The following CRACDL variants were observed in gnomAD, a reference collection of about 807,000 sequenced individuals.
CRACDL encodes CRACD-like protein.
In CRACDL, 26 loss-of-function variants were observed where a neutral mutation model predicts 70.6. The observed-to-expected ratio is 0.37, with a 90% CI of 0.27 to 0.51. CRACDL has a LOEUF of 0.51. CRACDL is among the 20% of genes least tolerant of loss of function. The pLI, the probability that CRACDL is intolerant of heterozygous loss-of-function variation, is 0.94. For missense variants in CRACDL, 1,283 were observed against 1,376.9 expected, an observed-to-expected ratio of 0.93 and a Z score of 1.08; for synonymous variants, 618 against 615.2, an observed-to-expected ratio of 1.00 and a Z score of -0.07.
chr2:98,902,071 G>A (rs1276174610), intron 1 of CRACDL, among the ~76,000 whole-genome samples: 1 of 152,080 alleles, frequency 6.6e-6, no homozygotes, highest in East Asian at 1.9e-4. Flanking sequence ...AAGTTCCAAA[G>A]GTCTACAAAG....
intron 7 of CRACDL, among the ~76,000 whole-genome samples, chr2:98,807,918 C>T (rs1409600141): frequency 6.6e-6 from 1 of 152,268 alleles, no homozygotes; most frequent in South Asian, 2.1e-4. Context: ...AGAGTCTCAG[C>T]AAGATGCTAT....
intron 7 of CRACDL, among the ~76,000 whole-genome samples, chr2:98,803,878 T>C (rs1034586098): frequency 1.3e-5 from 2 of 152,138 alleles, no homozygotes; most frequent in Admixed American, 1.3e-4. Context: ...CTGGTGGAAA[T>C]GGGACCTGTC....
intron 9 of CRACDL, among the ~76,000 whole-genome samples, chr2:98,795,192 C>T (rs1466294673): frequency 6.7e-6 from 1 of 150,084 alleles, no homozygotes; most frequent in Admixed American, 6.6e-5. Context: ...TCTCCTGCCT[C>T]AGCCTCCCAA....
At position 98,866,475 on chromosome 2, in the gene CRACDL, CTTTTTTTTTTTTTTTT is replaced by C. The variant is rs1173322192; in HGVS notation, c.-10-19681_-10-19666del. Reference sequence around the variant, plus strand: ...CTGATAGATGAAACAATCACTTCTTCTTTTTTTTTTTTTTTTTTTTTTTTTTTTTGAGACAGAGTTT... The same window carrying C: ...CTGATAGATGAAACAATCACTTCTTCTTTTTTTTTTTTTGAGACAGAGTTT... On this transcript the variant is annotated intron_variant, in intron 1 of 9. Coordinates refer to ENST00000397899, the MANE Select transcript of CRACDL (RefSeq NM_207362.3). Among the ~76,000 whole-genome samples the C allele has an allele frequency of 2.1e-3, 91 of 43,270 alleles. 1 individual carries two copies. The East Asian group carries it at 0.049, about 23-fold the overall frequency. 28.4% of individuals were successfully genotyped at this position (43,270 alleles called of 152,430 possible).
chr2:98,898,745 T>C lies in CRACDL; in HGVS notation c.-11+37193A>G, dbSNP rs1217551887. Reference sequence around the variant, plus strand: ...GAAGGGAGGCCACGTGTCCCATCCCTATGTGCCTCAAGGATGAGTGCAACA... The same window carrying C: ...GAAGGGAGGCCACGTGTCCCATCCCCATGTGCCTCAAGGATGAGTGCAACA... On this transcript the variant is annotated intron_variant, in intron 1 of 9. Transcript: ENST00000397899. Among the ~76,000 whole-genome samples the C allele has an allele frequency of 2.0e-5, 3 of 152,208 alleles. No homozygotes were observed. In the East Asian group the frequency reaches 5.8e-4, roughly 29 times the overall value.
At chr2:98,919,751 A>G (rs530019227) in intron 1 of CRACDL, among the ~76,000 whole-genome samples, 1 of 152,290 alleles carries the variant, frequency 6.6e-6, no homozygotes, top group African/African-American at 2.4e-5. Flanking sequence ...TTAAATTATT[A>G]TGAATTTACA....
At position 98,899,746 on chromosome 2, in the gene CRACDL, C is replaced by T. The variant is rs114985277; in HGVS notation, c.-11+36192G>A. Among the ~76,000 whole-genome samples the T allele has an allele frequency of 5.5e-3, 835 of 152,314 alleles. 3 individuals carry two copies. Among genetic ancestry groups the T allele is most frequent in the South Asian group, 9.9e-3 (48 of 4,830 alleles). ...CTGTTAAGAAGTATGTCTGAGAAGT[C>T]TTAGCTCAGTGGGGAAGCAGGTGGA... On this transcript the variant is annotated intron_variant, in intron 1 of 9. Transcript: ENST00000397899.
intron 1 of CRACDL, among the ~76,000 whole-genome samples, chr2:98,921,568 G>A (rs570250943): frequency 1.3e-5 from 2 of 152,312 alleles, no homozygotes; most frequent in East Asian, 3.9e-4. Flanking sequence ...CTGGGCCTAG[G>A]ACCAACCCCA....
At chr2:98,907,883 C>T (rs1325757218) in intron 1 of CRACDL, among the ~76,000 whole-genome samples, 1 of 152,208 alleles carries the variant, frequency 6.6e-6, no homozygotes, top group African/African-American at 2.4e-5. Flanking sequence ...AGGTGAACTA[C>T]ATACACTAAG....
At chr2:98,923,644 A>G (rs1708853106) in intron 1 of CRACDL, among the ~76,000 whole-genome samples, 1 of 152,240 alleles carries the variant, frequency 6.6e-6, no homozygotes, top group African/African-American at 2.4e-5. Flanking sequence ...ATATGTATAC[A>G]GGCCATTATT....
intron 1 of CRACDL, among the ~76,000 whole-genome samples, chr2:98,902,594 G>T (rs919490633): frequency 6.6e-6 from 1 of 152,158 alleles, no homozygotes; most frequent in Admixed American, 6.5e-5. Context: ...CTTCAAAGTA[G>T]TATAAAATGA....
chr2:98,824,256 C>G (rs982535401), intron 6 of CRACDL, among the ~76,000 whole-genome samples: 8 of 152,152 alleles, frequency 5.3e-5, no homozygotes, highest in Non-Finnish European at 1.0e-4. Flanking sequence ...GACACTTGGT[C>G]TGAGTGACTG....
At chr2:98,865,921 C>T (rs1707119225) in intron 1 of CRACDL, among the ~76,000 whole-genome samples, 1 of 151,810 alleles carries the variant, frequency 6.6e-6, no homozygotes, top group Admixed American at 6.6e-5. Context: ...CTGCCTCAGC[C>T]TCCTGGGCAG....
In CRACDL at chr2:98,823,568, G is replaced by T. The variant is rs1423885595; in HGVS notation, c.736-31C>A. 2.6e-6 allele frequency: 4 copies of T among 1,540,100 alleles called. No individual in the cohort carries two copies. Among genetic ancestry groups the T allele is most frequent in the African/African-American group, 2.7e-5 (2 of 73,270 alleles). On this transcript the variant is annotated intron_variant, in intron 6 of 9. Coordinates refer to ENST00000397899, the MANE Select transcript of CRACDL (RefSeq NM_207362.3). This position sits in a 1 kb window ranked among gnomAD's most constrained non-coding sequence, Gnocchi z 4.0. ...AGAAATAAAGATAAAAAGCATCGTC[G>T]CTATAGCCAATTCCAGGAAGCCTGT...
At chr2:98,923,028 G>C (rs930876211) in intron 1 of CRACDL, among the ~76,000 whole-genome samples, 1 of 152,104 alleles carries the variant, frequency 6.6e-6, no homozygotes, top group African/African-American at 2.4e-5. Flanking sequence ...CTAGCACTTT[G>C]GGAGGCCGAG....
rs564614702 is a variant in CRACDL at position 98,802,321 on chromosome 2, C to G, written c.2417-4784G>C. Among the ~76,000 whole-genome samples, 9 of 152,358 alleles carry G rather than the reference C, an allele frequency of 5.9e-5. 1 individual carries two copies. The South Asian group carries it at 1.9e-3, about 32-fold the overall frequency. ...TCCATGCACACGCTGTGTGTTACAGCGAGCCTGGCCATCCCGGATGCAGGA... is the reference window on the plus strand; with the variant it reads ...TCCATGCACACGCTGTGTGTTACAGGGAGCCTGGCCATCCCGGATGCAGGA... On this transcript the variant is annotated intron_variant, in intron 7 of 9. Coordinates refer to ENST00000397899, the MANE Select transcript of CRACDL (RefSeq NM_207362.3).
intron 7 of CRACDL, among the ~76,000 whole-genome samples, chr2:98,812,125 A>C (rs1249402119): frequency 1.3e-5 from 2 of 152,158 alleles, no homozygotes; most frequent in Admixed American, 6.5e-5. Context: ...ACAGGTGTGC[A>C]CCACCGCACT....
Position 98,838,251 on chromosome 2 carries a change from A to T in CRACDL, c.107T>A (p.Phe36Tyr). Residue 36 changes from phenylalanine (F) to tyrosine (Y), a missense_variant, in exon 3 of 10, where the codon TTT (phenylalanine) becomes TAT (tyrosine). Phe to Tyr is a conservative substitution (Grantham distance 22). Around this residue, in one of 2 missense-constraint regions of CRACDL, gnomAD observed 362 missense variants for 495.0 expected, o/e 0.73. Coordinates refer to ENST00000397899, the MANE Select transcript of CRACDL (RefSeq NM_207362.3). ...KKSKFKTFKK[F>Y]FGKKKRKESP... ...TTCTTTTCTCTTCTTCTTCCCAAAA[A>T]ACTTCTTAAAAGTTTTGAATTTAGA... is the stretch of plus-strand genomic sequence containing the variant. 1 of 1,610,968 alleles carries T rather than the reference A, an allele frequency of 6.2e-7. No homozygotes were observed. The highest frequency in any genetic ancestry group is 8.5e-7 in the Non-Finnish European group (1 of 1,178,046).
chr2:98,918,963 T>C (rs4850890), intron 1 of CRACDL, among the ~76,000 whole-genome samples: 72,289 of 152,036 alleles, frequency 0.48, 18,861 homozygotes, highest in African/African-American at 0.68. Context: ...TTTTTGTTTT[T>C]GTTGGATGTA....
Sources: allele counts gnomAD v4.1 joint callset (sites outside exome capture counted in the v4.1 genomes callset), GRCh38; gene constraint gnomAD v4.1.1; regional missense constraint gnomAD v4.1.1; non-coding constraint Gnocchi (gnomAD v3.1); transcripts MANE v1.5; gene names NCBI Gene and HGNC (gene_info 2026-07-23, HGNC 2026-07-21).